Variants in PIK3CB observed in about 807,000 individuals in gnomAD.
The protein encoded by PIK3CB is phosphatidylinositol 4,5-bisphosphate 3-kinase catalytic subunit beta isoform.
Under a neutral mutation model 136.8 loss-of-function variants are expected in PIK3CB, and 39 were observed. The observed-to-expected ratio is 0.29, with a 90% CI of 0.22 to 0.37. The LOEUF (loss-of-function observed/expected upper bound fraction) is 0.37. Ranked by LOEUF, PIK3CB falls within the 10% of genes least tolerant of loss-of-function variation. PIK3CB has a pLI of 1.00. For synonymous variants in PIK3CB, 428 were observed against 436.6 expected, an observed-to-expected ratio of 0.98 and a Z score of 0.25; for missense variants, 868 against 1,275.4, an observed-to-expected ratio of 0.68 and a Z score of 4.87.
At position 138,815,162 on chromosome 3, in the gene PIK3CB, A is replaced by AAAT. The variant is rs1553743711; in HGVS notation, c.-121-18596_-121-18595insATT. On this transcript the variant is annotated intron_variant, in intron 1 of 23. Transcript: ENST00000674063. ...CTCAAAAAAAAAAAAAAAAAAAAAA[A>AAAT]ATATATATATATATACATATATATA... Among the ~76,000 whole-genome samples, 111 of 62,476 alleles carry AAAT rather than the reference A, an allele frequency of 1.8e-3. 6 individuals are homozygous for AAAT. The highest frequency in any genetic ancestry group is 6.0e-3 in the African/African-American group (92 of 15,302). The allele number at this position is 62,476 out of a possible 152,430, so 41.0% of individuals were successfully genotyped here. A position where few individuals can be genotyped will look rare whatever the true frequency, so the allele number is the denominator to read the frequency against.
At chr3:138,749,505 C>T (rs974933542) in intron 4 of PIK3CB, among the ~76,000 whole-genome samples, 2 of 152,156 alleles carry the variant, frequency 1.3e-5, no homozygotes, top group Non-Finnish European at 2.9e-5. Flanking sequence ...TCAATAGCTT[C>T]CCAAGTGTTC....
chr3:138,788,417 A>G lies in PIK3CB; in HGVS notation c.-17+8046T>C, dbSNP rs1338317174. ...CACGCCTGTAATCCCAGCACTTTGG[A>G]AGACCGAGGCGGGCAGATCACCTGA... is the stretch of plus-strand genomic sequence containing the variant. On this transcript the variant is annotated intron_variant, in intron 2 of 23. Coordinates refer to ENST00000674063, the MANE Select transcript of PIK3CB (RefSeq NM_006219.3). 3.3e-5 allele frequency among the ~76,000 whole-genome samples: 5 copies of G among 149,436 alleles called. No homozygotes were observed. The East Asian group carries it at 6.1e-4, about 18-fold the overall frequency.
intron 8 of PIK3CB, among the ~76,000 whole-genome samples, chr3:138,725,549 T>C (rs1370738628): frequency 1.3e-5 from 2 of 152,228 alleles, no homozygotes; most frequent in African/African-American, 4.8e-5. Context: ...TCTCTGTTGT[T>C]CAAACTGGAA....
chr3:138,728,572 T>C (rs1038001356), intron 8 of PIK3CB, among the ~76,000 whole-genome samples: 1 of 151,842 alleles, frequency 6.6e-6, no homozygotes, highest in African/African-American at 2.4e-5. Context: ...GGTCAGGAGA[T>C]CGAGACCATC....
intron 9 of PIK3CB, among the ~76,000 whole-genome samples, chr3:138,713,267 C>T (rs1490324292): frequency 2.6e-5 from 4 of 151,702 alleles, no homozygotes; most frequent in Non-Finnish European, 5.9e-5. Context: ...CCCACCTCAG[C>T]CTCCCAAAGT....
intron 1 of PIK3CB, chr3:138,825,119 G>C (rs754841744): frequency 1.7e-5 from 5 of 288,372 alleles, no homozygotes; most frequent in Non-Finnish European, 2.5e-5. Context: ...AGTATGCCTG[G>C]GTCTTGGATA....
intron 13 of PIK3CB, among the ~76,000 whole-genome samples, chr3:138,697,443 T>C (rs903117845): frequency 5.9e-5 from 9 of 152,040 alleles, no homozygotes; most frequent in African/African-American, 7.2e-5. Flanking sequence ...TATTTATTTA[T>C]TTATTTATTT....
chr3:138,726,406 A>T (rs1247884658), intron 8 of PIK3CB, among the ~76,000 whole-genome samples: 1 of 152,126 alleles, frequency 6.6e-6, no homozygotes, highest in African/African-American at 2.4e-5. Flanking sequence ...AGGGAAGGGG[A>T]GACTTACTCC....
chr3:138,690,250 G>T (rs899492667), intron 15 of PIK3CB, among the ~76,000 whole-genome samples: 5 of 143,486 alleles, frequency 3.5e-5, no homozygotes, highest in African/African-American at 1.3e-4. Context: ...AAGAAAAGAA[G>T]AAAAAGAAAA....
At chr3:138,676,728 G>C (rs1442059935) in intron 19 of PIK3CB, among the ~76,000 whole-genome samples, 1 of 152,130 alleles carries the variant, frequency 6.6e-6, no homozygotes, top group Non-Finnish European at 1.5e-5. Context: ...ATTACGCTTA[G>C]AGAAAGAAGC....
intron 4 of PIK3CB, among the ~76,000 whole-genome samples, chr3:138,743,907 C>T (rs1320654978): frequency 6.6e-6 from 1 of 152,142 alleles, no homozygotes; most frequent in Non-Finnish European, 1.5e-5. Flanking sequence ...TAATAGCCTA[C>T]TTATGACCAG....
At chr3:138,692,162 G>A (rs1312632211) in intron 14 of PIK3CB, among the ~76,000 whole-genome samples, 1 of 152,144 alleles carries the variant, frequency 6.6e-6, no homozygotes, top group Admixed American at 6.5e-5. Flanking sequence ...GGCAACTCCA[G>A]CAGTATAAGG....
At chr3:138,773,649 T>C (rs931854533) in intron 2 of PIK3CB, among the ~76,000 whole-genome samples, 5 of 152,214 alleles carry the variant, frequency 3.3e-5, no homozygotes, top group African/African-American at 1.2e-4. Context: ...TCCAAACACA[T>C]AATTTTTTAT....
intron 14 of PIK3CB, 31 bp from the exon 15 acceptor site, chr3:138,691,174 C>T: frequency 2.5e-6 from 4 of 1,596,414 alleles, no homozygotes; most frequent in Non-Finnish European, 3.4e-6. Flanking sequence ...AGTGAGTAAC[C>T]AAACAACCTG....
intron 19 of PIK3CB, among the ~76,000 whole-genome samples, chr3:138,680,719 G>A (rs1374300080): frequency 2.0e-5 from 3 of 150,498 alleles, no homozygotes; most frequent in East Asian, 1.9e-4. Flanking sequence ...ACAAAGTTTC[G>A]CTCTTGTTGC....
At chr3:138,711,568 A>G (rs1254517289) in intron 10 of PIK3CB, among the ~76,000 whole-genome samples, 1 of 126,198 alleles carries the variant, frequency 7.9e-6, no homozygotes, top group Non-Finnish European at 1.6e-5. Flanking sequence ...AACAAGAGCG[A>G]AACTCCGTCG....
chr3:138,737,702 C>A lies in PIK3CB; in HGVS notation c.801+5G>T, dbSNP rs780996861. ...TTCTGGTAAATTAATAGTTAATATA[C>A]ATACCTGGAACTGAATTAGTGGATG... On this transcript the variant is annotated splice_donor_5th_base_variant and intron_variant, in intron 6 of 23. Coordinates refer to ENST00000674063, the MANE Select transcript of PIK3CB (RefSeq NM_006219.3). 6.0e-5 allele frequency: 92 copies of A among 1,533,056 alleles called. No homozygotes were observed. The highest frequency in any genetic ancestry group is 7.9e-5 in the Non-Finnish European group (89 of 1,120,066). The allele number at this position is 1,533,056 out of a possible 1,614,324, so 95.0% of individuals were successfully genotyped here. A position where few individuals can be genotyped will look rare whatever the true frequency, so the allele number is the denominator to read the frequency against.
rs2045069638 is a variant in PIK3CB, at chr3:138,734,889, T to A, written c.802-85A>T. 3.8e-6 allele frequency: 3 copies of A among 781,920 alleles called. No individual in the cohort carries two copies. In the East Asian group the frequency reaches 8.7e-5, roughly 23 times the overall value. 48.4% of individuals were successfully genotyped at this position (781,920 alleles called of 1,614,324 possible). On this transcript the variant is annotated intron_variant, in intron 6 of 23. Transcript: ENST00000674063. ...TAAAATGAAGCTGAACAACACTATATCAAATGCACTGTGAAAGTATGTCTT... is the reference window on the plus strand; with the variant it reads ...TAAAATGAAGCTGAACAACACTATAACAAATGCACTGTGAAAGTATGTCTT...
At position 138,691,031 on chromosome 3, in the gene PIK3CB, T is replaced by TAATAGATG; in HGVS notation, c.2004_2005insCATCTATT (p.Arg669HisfsTer5). 1 of 1,613,344 alleles carries TAATAGATG rather than the reference T, an allele frequency of 6.2e-7. No homozygotes were observed. Among genetic ancestry groups the TAATAGATG allele is most frequent in the Non-Finnish European group, 8.5e-7 (1 of 1,179,502 alleles). On this transcript the variant is annotated frameshift_variant, in exon 15 of 24. Transcript: ENST00000674063. LOFTEE classifies it high-confidence loss of function. Reference sequence around the variant, plus strand: ...TGCCAAAATAGAAACTGCCCTATCCTCCGATTACCAAGTGCTCTTTCTAAT... The same window carrying TAATAGATG: ...TGCCAAAATAGAAACTGCCCTATCCTAATAGATGCCGATTACCAAGTGCTCTTTCTAAT...
Sources: gnomAD v4.1 joint callset for allele counts (sites outside exome capture counted in the v4.1 genomes callset) on GRCh38, gnomAD v4.1.1 for gene constraint, MANE v1.5 for transcripts, NCBI Gene and HGNC (gene_info 2026-07-23, HGNC 2026-07-21) for gene names.